Variants in RBM47 observed in about 807,000 individuals in gnomAD.
The protein encoded by RBM47 is RNA binding motif protein 47.
In RBM47, 21 loss-of-function variants were observed where a neutral mutation model predicts 47.1. That is an observed-to-expected ratio of 0.45 (90% CI 0.32 to 0.64). The LOEUF is 0.64. Among genes scored for constraint, RBM47 ranks in the 30% least tolerant of loss-of-function variants. The pLI is 0.05. For missense variants in RBM47, 708 were observed against 870.9 expected, an observed-to-expected ratio of 0.81 and a Z score of 2.35; for synonymous variants, 375 against 361.7, an observed-to-expected ratio of 1.04 and a Z score of -0.42.
intron 2 of RBM47, chr4:40,542,540 C>T (rs1474784713): frequency 6.6e-6 from 1 of 152,150 alleles, no homozygotes; most frequent in Admixed American, 6.6e-5. Flanking sequence ...GGGTCTTGCT[C>T]TGTTGCCCTG....
At chr4:40,502,820 T>A (rs59879222) in intron 2 of RBM47, among the ~76,000 whole-genome samples, 1 of 151,702 alleles carries the variant, frequency 6.6e-6, no homozygotes, top group Non-Finnish European at 1.5e-5. Context: ...TACTCCAGCC[T>A]GGGTTGAGAG....
Position 40,520,863 on chromosome 4 carries a change from A to T in RBM47, c.-155+23559T>A, listed in dbSNP as rs1000418176. On this transcript the variant is annotated intron_variant, in intron 2 of 6. Coordinates refer to ENST00000295971, the MANE Select transcript of RBM47 (RefSeq NM_001098634.2). The stretch of plus-strand genomic sequence containing the variant: ...TCTACACTGTCCGGTGCTGCCTATC[A>T]TGGGGACATCAACCGCTAGACCAGC... 3.3e-5 allele frequency among the ~76,000 whole-genome samples: 5 copies of T among 152,322 alleles called. No individual in the cohort carries two copies. In the South Asian group the frequency reaches 6.2e-4, roughly 19 times the overall value.
At chr4:40,436,713 C>T (rs1393396622) in intron 4 of RBM47, 66 bp from the exon 5 acceptor site, 1 of 1,520,542 alleles carries the variant, frequency 6.6e-7, no homozygotes, top group East Asian at 2.3e-5. Context: ...AGACCTCAGC[C>T]CTCGGTTCTC....
intron 1 of RBM47, among the ~76,000 whole-genome samples, chr4:40,593,742 G>A (rs935569216): frequency 6.6e-6 from 1 of 152,062 alleles, no homozygotes; most frequent in Non-Finnish European, 1.5e-5. Context: ...AAATTAGCTG[G>A]GCGTGGTGGC....
At chr4:40,437,090 A>AAAATATATATAT (rs1256296949) in intron 4 of RBM47, among the ~76,000 whole-genome samples, 1 of 49,848 alleles carries the variant, frequency 2.0e-5, no homozygotes, top group African/African-American at 1.1e-4. Flanking sequence ...AAAAAAAAAA[A>AAAATATATATAT]ATATATATAT....
intron 1 of RBM47, among the ~76,000 whole-genome samples, chr4:40,614,580 T>C (rs530765216): frequency 3.3e-5 from 5 of 151,864 alleles, no homozygotes; most frequent in African/African-American, 1.2e-4. Context: ...ACACCTGTAA[T>C]TACAACACTC....
chr4:40,613,111 G>C (rs1039159467), intron 1 of RBM47, among the ~76,000 whole-genome samples: 7 of 152,172 alleles, frequency 4.6e-5, no homozygotes, highest in African/African-American at 1.7e-4. Context: ...CTATACACCA[G>C]CATGTGTTCA....
intron 1 of RBM47, among the ~76,000 whole-genome samples, chr4:40,558,524 C>CAAAA (rs1198741417): frequency 2.2e-5 from 2 of 92,636 alleles, no homozygotes; most frequent in African/African-American, 3.4e-5. Flanking sequence ...ATTAAAACTA[C>CAAAA]AAAAAAAAAA....
chr4:40,546,626 G>A (rs1345083131), intron 1 of RBM47, among the ~76,000 whole-genome samples: 1 of 152,208 alleles, frequency 6.6e-6, no homozygotes, highest in Non-Finnish European at 1.5e-5. Flanking sequence ...TTGTTCCAAA[G>A]TTCTTCCCAA....
intron 1 of RBM47, among the ~76,000 whole-genome samples, chr4:40,581,420 CA>C (rs1296360492): frequency 1.4e-4 from 11 of 80,576 alleles, no homozygotes; most frequent in Non-Finnish European, 1.9e-4. Context: ...GAACTTGTCT[CA>C]AAAAAAAAGT....
intron 2 of RBM47, among the ~76,000 whole-genome samples, chr4:40,493,115 T>C (rs184964549): frequency 1.1e-4 from 17 of 152,290 alleles, no homozygotes; most frequent in Non-Finnish European, 5.9e-5. Flanking sequence ...AAGCCTACGA[T>C]GTCAACTTTG....
intron 2 of RBM47, among the ~76,000 whole-genome samples, chr4:40,473,535 A>T (rs1719208973): frequency 6.6e-6 from 1 of 152,240 alleles, no homozygotes. Context: ...TTTTTTCAAG[A>T]ACCCCAATAT....
intron 1 of RBM47, among the ~76,000 whole-genome samples, chr4:40,619,964 G>A (rs772838244): frequency 6.6e-6 from 1 of 152,042 alleles, no homozygotes; most frequent in Non-Finnish European, 1.5e-5. Flanking sequence ...TCGGGAGGCC[G>A]AGGCCGCGGA....
intron 2 of RBM47, among the ~76,000 whole-genome samples, chr4:40,539,188 G>C (rs1258079917): frequency 6.6e-6 from 1 of 152,144 alleles, no homozygotes; most frequent in Non-Finnish European, 1.5e-5. Flanking sequence ...CCATTTTCAA[G>C]TGAAGAAGCA....
chr4:40,457,926 C>A (rs967224228), intron 3 of RBM47, among the ~76,000 whole-genome samples: 1 of 151,740 alleles, frequency 6.6e-6, no homozygotes, highest in African/African-American at 2.4e-5. Flanking sequence ...CCAACCTGGG[C>A]AACATAATGA....
At chr4:40,538,420 G>A (rs1200193945) in intron 2 of RBM47, among the ~76,000 whole-genome samples, 4 of 145,896 alleles carry the variant, frequency 2.7e-5, no homozygotes, top group Non-Finnish European at 4.5e-5. Flanking sequence ...TCCGCCTCCC[G>A]GGTTCAAGCG....
At chr4:40,616,681 T>C (rs1736763016) in intron 1 of RBM47, among the ~76,000 whole-genome samples, 1 of 152,076 alleles carries the variant, frequency 6.6e-6, no homozygotes, top group African/African-American at 2.4e-5. Flanking sequence ...TCCACCCACA[T>C]AATATGCAGA....
At chr4:40,605,848 A>G (rs1271659528) in intron 1 of RBM47, among the ~76,000 whole-genome samples, 1 of 151,624 alleles carries the variant, frequency 6.6e-6, no homozygotes, top group Admixed American at 6.6e-5. Context: ...AAAGAAAGAA[A>G]AATACGGGTT....
intron 3 of RBM47, among the ~76,000 whole-genome samples, chr4:40,462,451 A>T (rs1407412726): frequency 1.3e-5 from 2 of 152,002 alleles, no homozygotes; most frequent in Non-Finnish European, 2.9e-5. Context: ...CCTACATAAC[A>T]CCCACATGCA....
Sources: gnomAD v4.1 joint callset for allele counts (sites outside exome capture counted in the v4.1 genomes callset) on GRCh38, gnomAD v4.1.1 for gene constraint, MANE v1.5 for transcripts, NCBI Gene and HGNC (gene_info 2026-07-23, HGNC 2026-07-21) for gene names.